The following WDTC1 variants were observed in gnomAD, a reference collection of about 807,000 sequenced individuals.
WDTC1 encodes the protein WD and tetratricopeptide repeats protein 1.
In WDTC1, 12 loss-of-function variants were observed where a neutral mutation model predicts 76.0. The ratio of observed to expected loss-of-function variants is 0.16; its 90% CI spans 0.10 to 0.26. The LOEUF (loss-of-function observed/expected upper bound fraction) is 0.26. Among genes scored for constraint, WDTC1 ranks in the 10% least tolerant of loss-of-function variants. The pLI, the probability that WDTC1 is intolerant of heterozygous loss-of-function variation, is 1.00. For missense variants in WDTC1, 511 were observed against 908.8 expected, an observed-to-expected ratio of 0.56 and a Z score of 5.63; for synonymous variants, 326 against 350.8, an observed-to-expected ratio of 0.93 and a Z score of 0.79.
intron 2 of WDTC1, among the ~76,000 whole-genome samples, chr1:27,262,148 T>A (rs1570952137): frequency 6.6e-6 from 1 of 151,982 alleles, no homozygotes; most frequent in African/African-American, 2.4e-5. Flanking sequence ...TCAGGAGATC[T>A]TGATCTCCTG....
At chr1:27,282,932 G>A (rs2013228960) in intron 4 of WDTC1, among the ~76,000 whole-genome samples, 1 of 151,874 alleles carries the variant, frequency 6.6e-6, no homozygotes, top group African/African-American at 2.4e-5. Context: ...GAGGTCAGGA[G>A]ATTGAGACCA....
chr1:27,285,055 G>T (rs1344531316), intron 5 of WDTC1, among the ~76,000 whole-genome samples: 63 of 144,722 alleles, frequency 4.4e-4, no homozygotes, highest in African/African-American at 1.5e-3. Context: ...TTTTTTGAGG[G>T]TGAGTCTTAC....
At chr1:27,281,048 C>T (rs1304903605) in intron 3 of WDTC1, among the ~76,000 whole-genome samples, 2 of 151,684 alleles carry the variant, frequency 1.3e-5, no homozygotes, top group African/African-American at 2.4e-5. Flanking sequence ...CCTAATTTAC[C>T]TTACTGCACC....
In WDTC1 at chr1:27,297,040, C is replaced by A; in HGVS notation, c.950-8C>A. 1 of 1,613,604 alleles carries A rather than the reference C, an allele frequency of 6.2e-7. No homozygotes were observed. Among genetic ancestry groups the A allele is most frequent in the South Asian group, 1.1e-5 (1 of 91,040 alleles). On this transcript the variant is annotated splice_region_variant and splice_polypyrimidine_tract_variant and intron_variant, in intron 10 of 15. Coordinates refer to ENST00000319394, the MANE Select transcript of WDTC1 (RefSeq NM_001276252.2). ...TGTTGCTGTCACTTTCTCACTATCT[C>A]CTGCCAGAAGTCCAGAATGGCAAGA... is the stretch of plus-strand genomic sequence containing the variant.
chr1:27,286,254 C>T (rs1277410615), intron 5 of WDTC1, among the ~76,000 whole-genome samples: 4 of 151,202 alleles, frequency 2.6e-5, no homozygotes, highest in South Asian at 2.1e-4. Flanking sequence ...CCGCCTACCT[C>T]GGCCCCCCAA....
intron 4 of WDTC1, 33 bp downstream of exon 4, chr1:27,282,318 G>GGGGA: frequency 6.2e-7 from 1 of 1,606,106 alleles, no homozygotes; most frequent in Non-Finnish European, 8.5e-7. Context: ...GAAGGGTGCT[G>GGGGA]GGGAAGGAAG....
At chr1:27,276,255 C>CT (rs1367594242) in intron 3 of WDTC1, among the ~76,000 whole-genome samples, 1 of 152,170 alleles carries the variant, frequency 6.6e-6, no homozygotes, top group Non-Finnish European at 1.5e-5. Context: ...GGTGGAATTG[C>CT]TGGGTCATAT....
At chr1:27,265,125 A>C (rs2012619854) in intron 3 of WDTC1, among the ~76,000 whole-genome samples, 1 of 152,136 alleles carries the variant, frequency 6.6e-6, no homozygotes, top group Admixed American at 6.6e-5. Context: ...CTTAAAAGAA[A>C]TTAGTACTTG....
intron 3 of WDTC1, among the ~76,000 whole-genome samples, chr1:27,277,566 G>A (rs1031321846): frequency 6.6e-6 from 1 of 151,792 alleles, no homozygotes; most frequent in African/African-American, 2.4e-5. Flanking sequence ...CAAATAGCTG[G>A]GATTATAGGT....
At chr1:27,246,720 C>T (rs1248971579) in intron 1 of WDTC1, among the ~76,000 whole-genome samples, 4 of 151,948 alleles carry the variant, frequency 2.6e-5, no homozygotes, top group Non-Finnish European at 5.9e-5. Context: ...CGCCACCACG[C>T]CCGGCTAATT....
chr1:27,271,265 A>G, intron 3 of WDTC1, among the ~76,000 whole-genome samples: 1 of 151,970 alleles, frequency 6.6e-6, no homozygotes, highest in Non-Finnish European at 1.5e-5. Context: ...CCCAGGCTGG[A>G]GTGCAGTGGC....
rs1458869129 is a variant in WDTC1 at position 27,289,669 on chromosome 1, C to T, written c.479+1808C>T. On this transcript the variant is annotated intron_variant, in intron 6 of 15. Coordinates refer to ENST00000319394, the MANE Select transcript of WDTC1 (RefSeq NM_001276252.2). ...TGGAGGTTGTAGCAAGCCGAGATCA[C>T]GCCACTGCACTCCAGCCTGGGCACC... 2.6e-5 allele frequency among the ~76,000 whole-genome samples: 4 copies of T among 152,300 alleles called. No individual in the cohort carries two copies. In the South Asian group the frequency reaches 6.2e-4, roughly 24 times the overall value.
intron 1 of WDTC1, chr1:27,255,331 C>G (rs562204989): frequency 6.6e-6 from 1 of 152,218 alleles, no homozygotes; most frequent in Admixed American, 6.5e-5. Flanking sequence ...TCACATGGCC[C>G]TGGGTTTGAG....
At chr1:27,247,387 T>C (rs1046724674) in intron 1 of WDTC1, among the ~76,000 whole-genome samples, 6 of 152,004 alleles carry the variant, frequency 3.9e-5, no homozygotes, top group African/African-American at 1.5e-4. Flanking sequence ...GGTAAACTCA[T>C]GTCATGGTGG....
intron 1 of WDTC1, among the ~76,000 whole-genome samples, chr1:27,260,070 C>T (rs567781595): frequency 3.3e-5 from 5 of 151,990 alleles, no homozygotes; most frequent in African/African-American, 4.8e-5. Flanking sequence ...AAAAGCCTAC[C>T]TACCAGGATT....
intron 12 of WDTC1, among the ~76,000 whole-genome samples, chr1:27,298,796 T>C (rs1009057046): frequency 3.1e-5 from 4 of 129,974 alleles, no homozygotes; most frequent in Non-Finnish European, 6.3e-5. Context: ...TAGAGATGGA[T>C]AGAGCTGGGC....
chr1:27,288,979 GC>G (rs2013431231), intron 6 of WDTC1, among the ~76,000 whole-genome samples: 1 of 72,964 alleles, frequency 1.4e-5, no homozygotes, highest in Non-Finnish European at 3.5e-5. Flanking sequence ...CGGGCGGGGG[GC>G]TGACCCCCCC....
intron 12 of WDTC1, 62 bp downstream of exon 12, chr1:27,298,173 G>A: frequency 6.7e-7 from 1 of 1,495,036 alleles, no homozygotes; most frequent in Non-Finnish European, 9.0e-7. Flanking sequence ...TGGACCAAAA[G>A]GCAGGGGCCT....
At chr1:27,294,191 G>A in intron 8 of WDTC1, 75 bp downstream of exon 8, 2 of 1,469,384 alleles carry the variant, frequency 1.4e-6, no homozygotes, top group Non-Finnish European at 1.9e-6. Context: ...CAGGGAGACA[G>A]CATGGCATGG....
Sources: gnomAD v4.1 joint callset for allele counts (sites outside exome capture counted in the v4.1 genomes callset) on GRCh38, gnomAD v4.1.1 for gene constraint, MANE v1.5 for transcripts, NCBI Gene and HGNC (gene_info 2026-07-23, HGNC 2026-07-21) for gene names.